Variants in CCDC62 observed in about 807,000 individuals in gnomAD.
CCDC62 encodes the protein coiled-coil domain-containing protein 62.
CCDC62 carries 72 observed loss-of-function variants against 80.8 expected under a neutral mutation model. The observed-to-expected ratio is 0.89, with a 90% CI of 0.74 to 1.08. CCDC62 has a LOEUF of 1.08. CCDC62 is among the 50% of genes least tolerant of loss of function. CCDC62 has a pLI of 0.00. For missense variants in CCDC62, 704 were observed against 809.4 expected (o/e 0.87, Z 1.58); for synonymous variants, 286 against 296.5 (o/e 0.96, Z 0.36).
At chr12:122,776,408 A>G (rs1002745119) in intron 1 of CCDC62, 3 of 152,246 alleles carry the variant, frequency 2.0e-5, no homozygotes, top group Non-Finnish European at 4.4e-5. Flanking sequence ...TATATAGGAA[A>G]TGTTCATTTT....
rs138529013 is a variant in CCDC62, at chr12:122,776,155, G to A, written c.37-1336G>A. On this transcript the variant is annotated intron_variant, in intron 1 of 12. Coordinates refer to ENST00000253079, the MANE Select transcript of CCDC62 (RefSeq NM_201435.5). ...GGCTTTGTGCTCAGTACTTTACAGA[G>A]TTTGTCTTGTTTAATCTTCACCACT... Among the ~76,000 whole-genome samples, 694 of 152,304 alleles carry A rather than the reference G, an allele frequency of 4.6e-3. 8 individuals are homozygous for A. The highest frequency in any genetic ancestry group is 0.016 in the African/African-American group (666 of 41,560).
chr12:122,790,061 T>A (rs182432766), intron 5 of CCDC62, among the ~76,000 whole-genome samples: 13 of 152,286 alleles, frequency 8.5e-5, no homozygotes, highest in African/African-American at 2.4e-4. Context: ...TAAAACTTTT[T>A]TTTTTTTGAG....
chr12:122,775,401 T>C, intron 1 of CCDC62, among the ~76,000 whole-genome samples: 1 of 152,200 alleles, frequency 6.6e-6, no homozygotes, highest in East Asian at 1.9e-4. Flanking sequence ...CCTGCCTTTG[T>C]GTACTCGGCT....
chr12:122,825,342 ATTTTTTTTT>A (rs749990077), intron 12 of CCDC62, among the ~76,000 whole-genome samples: 1 of 89,790 alleles, frequency 1.1e-5, no homozygotes, highest in Non-Finnish European at 2.1e-5. Context: ...CACCTGGCTA[ATTTTTTTTT>A]TTTTTTTTTT....
At chr12:122,792,262 C>A in intron 6 of CCDC62, 141 bp downstream of exon 6, 1 of 598,384 alleles carries the variant, frequency 1.7e-6, no homozygotes, top group Admixed American at 2.9e-5. Flanking sequence ...GCTCTGTCAC[C>A]CAGGCTGGAG....
intron 10 of CCDC62, 89 bp downstream of exon 10, chr12:122,806,384 C>G (rs564494385): frequency 6.4e-6 from 6 of 941,702 alleles, no homozygotes; most frequent in Middle Eastern, 2.5e-4. Context: ...TGTTAGCTTG[C>G]TTATTTTGGC....
intron 10 of CCDC62, among the ~76,000 whole-genome samples, chr12:122,809,964 A>T (rs993639049): frequency 6.6e-6 from 1 of 152,120 alleles, no homozygotes; most frequent in African/African-American, 2.4e-5. Context: ...CTGGCTAGCC[A>T]TATGCTGAAA....
chr12:122,798,722 A>G (rs1435521301), intron 8 of CCDC62, among the ~76,000 whole-genome samples: 1 of 152,176 alleles, frequency 6.6e-6, no homozygotes, highest in African/African-American at 2.4e-5. Context: ...TGGAGGTTGC[A>G]GTGAGCCGAG....
chr12:122,814,979 G>A (rs963523093), intron 11 of CCDC62, among the ~76,000 whole-genome samples: 1 of 150,878 alleles, frequency 6.6e-6, no homozygotes, highest in Admixed American at 6.6e-5. Flanking sequence ...CCACAGGCAC[G>A]CACTGCCATG....
intron 2 of CCDC62, 122 bp from the exon 3 acceptor site, chr12:122,781,042 T>C (rs1879824305): frequency 1.4e-6 from 1 of 716,742 alleles, no homozygotes. Flanking sequence ...ATAAAAGGTT[T>C]TAAAAGAAGA....
chr12:122,812,779 G>GAAAGA (rs777909209), intron 10 of CCDC62, among the ~76,000 whole-genome samples: 1 of 80,508 alleles, frequency 1.2e-5, no homozygotes, highest in African/African-American at 6.8e-5. Flanking sequence ...GAGAGAGAGA[G>GAAAGA]AAAGAAAGAA....
intron 12 of CCDC62, among the ~76,000 whole-genome samples, chr12:122,825,104 A>G (rs1234822178): frequency 6.6e-6 from 1 of 151,474 alleles, no homozygotes; most frequent in Non-Finnish European, 1.5e-5. Context: ...AAAAGAAAAG[A>G]AAAAAAATTA....
At chr12:122,774,784 G>C (rs1028427762) in intron 1 of CCDC62, 78 bp downstream of exon 1, 1 of 1,110,806 alleles carries the variant, frequency 9.0e-7, no homozygotes, top group African/African-American at 1.6e-5. Context: ...TCTCAAGAAC[G>C]GTGTCTACTT....
rs774421608 is a variant in CCDC62 at position 122,788,760 on chromosome 12, C to G, written c.501C>G (p.Asp167Glu). 1 of 1,545,240 alleles carries G rather than the reference C, an allele frequency of 6.5e-7. No individual in the cohort carries two copies. The highest frequency in any genetic ancestry group is 8.7e-7 in the Non-Finnish European group (1 of 1,150,184). The change falls in exon 5 of 13, where the codon GAC becomes GAG. Residue 167 changes from aspartate to glutamate, a missense_variant and splice_region_variant. Physicochemically the swap from Asp to Glu is conservative, Grantham distance 45. Coordinates refer to ENST00000253079, the MANE Select transcript of CCDC62 (RefSeq NM_201435.5). ...QALTTMIKLKDKDIIEAVNHI... is the reference protein window; with the variant it reads ...QALTTMIKLKEKDIIEAVNHI... The stretch of plus-strand genomic sequence containing the variant: ...CCATTTTCAAATTTGGTTTTTAGGA[C>G]AAAGATATTATTGAGGCAGTTAATC...
In CCDC62 at chr12:122,797,307, TAGAG is replaced by T. The variant is rs777489058; in HGVS notation, c.779_782del (p.Arg260LysfsTer25). 2 of 1,484,038 alleles carry T rather than the reference TAGAG, an allele frequency of 1.3e-6. No individual in the cohort carries two copies. The highest frequency in any genetic ancestry group is 1.4e-5 in the African/African-American group (1 of 72,256). The allele number at this position is 1,484,038 out of a possible 1,614,324, so 91.9% of individuals were successfully genotyped here. On this transcript the variant is annotated frameshift_variant and splice_region_variant, in exon 7 of 13. Transcript: ENST00000253079. LOFTEE classifies it high-confidence loss of function. ...GTTAATAATACTTGTTCTTAAATAG[TAGAG>T]AGAGAAAAGAGGAAAGATGAATTGC...
chr12:122,801,516 A>T lies in CCDC62; in HGVS notation c.1370A>T (p.Asp457Val). 2 of 1,614,174 alleles carry T rather than the reference A, an allele frequency of 1.2e-6. No homozygotes were observed. Among genetic ancestry groups the T allele is most frequent in the East Asian group, 2.2e-5 (1 of 44,890 alleles). Reference sequence around the variant, plus strand: ...CCCTCAGAAACACCCACTTTATCTGATGAGAAGCAGTGGCATGATGTCAGT... The same window carrying T: ...CCCTCAGAAACACCCACTTTATCTGTTGAGAAGCAGTGGCATGATGTCAGT... ...KQPSETPTLS[D>V]EKQWHDVSVY... is the part of the protein sequence containing the mutation. The change falls in exon 9 of 13, where the codon GAT becomes GTT. Residue 457 changes from aspartate (D) to valine (V), a missense_variant. Coordinates refer to ENST00000253079, the MANE Select transcript of CCDC62 (RefSeq NM_201435.5).
chr12:122,813,171 T>A (rs4759391), intron 10 of CCDC62, 99 bp from the exon 11 acceptor site: 1,169,627 of 1,289,896 alleles, frequency 0.91, 534,078 homozygotes, highest in East Asian at 0.99. Flanking sequence ...AGCCTGGGCG[T>A]CAGAGCAAGA....
Position 122,777,799 on chromosome 12 carries a change from A to C in CCDC62, c.229+116A>C, listed in dbSNP as rs1879573746. On this transcript the variant is annotated intron_variant, in intron 2 of 12. Transcript: ENST00000253079. ...TGCAATCCCTGTTGTCCTCAAGTTTAGGCTCATTGGAGACAGGAGGACTTT... is the reference window on the plus strand; with the variant it reads ...TGCAATCCCTGTTGTCCTCAAGTTTCGGCTCATTGGAGACAGGAGGACTTT... 4.2e-6 allele frequency: 4 copies of C among 953,474 alleles called. No individual in the cohort carries two copies. The Admixed American group carries it at 7.5e-5, about 18-fold the overall frequency. 59.1% of individuals were successfully genotyped at this position (953,474 alleles called of 1,614,324 possible). A position where few individuals can be genotyped will look rare whatever the true frequency, so the allele number is the denominator to read the frequency against.
At chr12:122,787,710 C>T (rs1028025690) in intron 4 of CCDC62, among the ~76,000 whole-genome samples, 13 of 151,806 alleles carry the variant, frequency 8.6e-5, no homozygotes, top group African/African-American at 2.4e-4. Context: ...GAGATCACGC[C>T]ACTGCACTCC....
Sources: allele counts gnomAD v4.1 joint callset (sites outside exome capture counted in the v4.1 genomes callset), GRCh38; gene constraint gnomAD v4.1.1; transcripts MANE v1.5; gene names NCBI Gene and HGNC (gene_info 2026-07-23, HGNC 2026-07-21).